Variants in FAF1 observed in about 807,000 individuals in gnomAD.
FAF1 encodes Fas associated factor 1.
FAF1 carries 25 observed loss-of-function variants against 92.5 expected under a neutral mutation model. The ratio of observed to expected loss-of-function variants is 0.27; its 90% CI spans 0.20 to 0.38. The LOEUF (loss-of-function observed/expected upper bound fraction) is 0.38. Among genes scored for constraint, FAF1 ranks in the 10% least tolerant of loss-of-function variants. The pLI, the probability that FAF1 is intolerant of heterozygous loss-of-function variation, is 1.00. For synonymous variants in FAF1, 234 were observed against 273.2 expected, an observed-to-expected ratio of 0.86 and a Z score of 1.42; for missense variants, 636 against 793.3, an observed-to-expected ratio of 0.80 and a Z score of 2.38.
At chr1:50,599,593 ATTTAT>A in intron 8 of FAF1, among the ~76,000 whole-genome samples, 1 of 147,366 alleles carries the variant, frequency 6.8e-6, no homozygotes, top group East Asian at 1.9e-4. Context: ...AAGTAATTTA[ATTTAT>A]TTATTAAGTA....
At chr1:50,741,848 A>G (rs942188338) in intron 5 of FAF1, among the ~76,000 whole-genome samples, 2 of 152,264 alleles carry the variant, frequency 1.3e-5, no homozygotes, top group African/African-American at 4.8e-5. Flanking sequence ...GTTCCATTTT[A>G]AACACGTTAA....
intron 1 of FAF1, among the ~76,000 whole-genome samples, chr1:50,909,160 C>G (rs1025238902): frequency 3.3e-5 from 5 of 152,154 alleles, no homozygotes; most frequent in Non-Finnish European, 5.9e-5. Flanking sequence ...ATATGAAATT[C>G]TGGGTTGAAA....
At chr1:50,641,442 A>AAT (rs1279868142) in intron 8 of FAF1, among the ~76,000 whole-genome samples, 112 of 152,302 alleles carry the variant, frequency 7.4e-4, no homozygotes, top group African/African-American at 2.6e-3. Context: ...TCTTTGACTC[A>AAT]TGAATTTAAA....
intron 4 of FAF1, among the ~76,000 whole-genome samples, chr1:50,774,261 CT>C (rs1660875358): frequency 1.3e-5 from 2 of 152,116 alleles, no homozygotes; most frequent in Admixed American, 1.3e-4. Context: ...TCACTCTTTC[CT>C]TCTTTTCACA....
At position 50,440,682 on chromosome 1, in the gene FAF1, A is replaced by G. The variant is rs1027176427; in HGVS notation, c.*758T>C. The G allele has an allele frequency of 2.6e-5, 4 of 152,256 alleles. No homozygotes were observed. Among genetic ancestry groups the G allele is most frequent in the African/African-American group, 9.6e-5 (4 of 41,464 alleles). The allele number at this position is 152,256 out of a possible 1,614,324, so 9.4% of individuals were successfully genotyped here. A position where few individuals can be genotyped will look rare whatever the true frequency, so the allele number is the denominator to read the frequency against. Reference sequence around the variant, plus strand: ...ACTGCCCAAATGCAAACCTAACAGTAGCCTCTTGCCATTGGGCCAGATACT... The same window carrying G: ...ACTGCCCAAATGCAAACCTAACAGTGGCCTCTTGCCATTGGGCCAGATACT... On this transcript the variant is annotated 3_prime_UTR_variant, in exon 19 of 19. Transcript: ENST00000396153.
At chr1:50,868,186 G>A (rs1273995672) in intron 1 of FAF1, among the ~76,000 whole-genome samples, 1 of 152,054 alleles carries the variant, frequency 6.6e-6, no homozygotes, top group Non-Finnish European at 1.5e-5. Flanking sequence ...GGGAAGGGTG[G>A]GAGTCAGGTG....
At chr1:50,568,845 A>T (rs1241357071) in intron 12 of FAF1, among the ~76,000 whole-genome samples, 1 of 152,188 alleles carries the variant, frequency 6.6e-6, no homozygotes, top group Non-Finnish European at 1.5e-5. Flanking sequence ...AAGATGCCAG[A>T]CTGCTTTGGG....
rs192114232 is a variant in FAF1, at chr1:50,672,832, T to C, written c.658-17304A>G. 5.3e-5 allele frequency among the ~76,000 whole-genome samples: 8 copies of C among 152,272 alleles called. No individual in the cohort carries two copies. The East Asian group carries it at 5.8e-4, about 11-fold the overall frequency. ...TTTTAATAATGTTATTTTAAAGTAG[T>C]CTGAGGCAGGGTGCAGTGGTTCATG... On this transcript the variant is annotated intron_variant, in intron 7 of 18. Transcript: ENST00000396153.
chr1:50,466,603 G>A (rs1646499265), intron 18 of FAF1, among the ~76,000 whole-genome samples: 1 of 152,230 alleles, frequency 6.6e-6, no homozygotes, highest in Non-Finnish European at 1.5e-5. Context: ...CACCTGCTAT[G>A]TGCCAGGTAA....
chr1:50,847,912 T>C (rs2124653525), intron 2 of FAF1, among the ~76,000 whole-genome samples: 1 of 151,926 alleles, frequency 6.6e-6, no homozygotes, highest in Admixed American at 6.6e-5. Flanking sequence ...CACACCCCTC[T>C]AGGCATATCA....
intron 7 of FAF1, among the ~76,000 whole-genome samples, chr1:50,678,249 T>C (rs889360737): frequency 1.3e-5 from 2 of 152,196 alleles, no homozygotes; most frequent in African/African-American, 4.8e-5. Context: ...GAGAAATTCC[T>C]ATGCAGTTTT....
chr1:50,833,598 C>A (rs80337531), intron 2 of FAF1, among the ~76,000 whole-genome samples: 4,657 of 152,164 alleles, frequency 0.031, 248 homozygotes, highest in African/African-American at 0.11. Flanking sequence ...CCTGTCCTCT[C>A]CCCAGAGGTT....
intron 1 of FAF1, among the ~76,000 whole-genome samples, chr1:50,879,378 A>G (rs1644594167): frequency 6.6e-6 from 1 of 152,246 alleles, no homozygotes; most frequent in South Asian, 2.1e-4. Flanking sequence ...GAGGGTGAAT[A>G]CAAAGATGAC....
At chr1:50,565,875 A>G (rs574262040) in intron 13 of FAF1, among the ~76,000 whole-genome samples, 61 of 152,224 alleles carry the variant, frequency 4.0e-4, no homozygotes, top group African/African-American at 1.1e-3. Context: ...GTGAATGGCA[A>G]AAGATTTAGC....
intron 4 of FAF1, among the ~76,000 whole-genome samples, chr1:50,779,991 G>GACAGACACAC (rs369288416): frequency 6.9e-5 from 10 of 145,532 alleles, no homozygotes; most frequent in South Asian, 2.2e-4. Flanking sequence ...CAGACAGACA[G>GACAGACACAC]ACACACACAC....
Position 50,958,906 on chromosome 1 carries a change from C to G in FAF1, c.45+861G>C, listed in dbSNP as rs76338813. ...AAATATCTCACTAAAATAATTCCTTCACCAAACATCAAAAGGCAAAGGTAG... is the reference window on the plus strand; with the variant it reads ...AAATATCTCACTAAAATAATTCCTTGACCAAACATCAAAAGGCAAAGGTAG... On this transcript the variant is annotated intron_variant, in intron 1 of 18. Coordinates refer to ENST00000396153, the MANE Select transcript of FAF1 (RefSeq NM_007051.3). 9.7e-4 allele frequency among the ~76,000 whole-genome samples: 147 copies of G among 152,300 alleles called. 1 individual carries two copies. The highest frequency in any genetic ancestry group is 3.3e-3 in the African/African-American group (139 of 41,566).
chr1:50,935,373 A>G (rs143924020), intron 1 of FAF1, among the ~76,000 whole-genome samples: 11 of 152,304 alleles, frequency 7.2e-5, no homozygotes, highest in Non-Finnish European at 1.6e-4. Context: ...TGTCAAGAAT[A>G]TAACATATAT....
At chr1:50,466,007 G>C (rs1442970921) in intron 18 of FAF1, among the ~76,000 whole-genome samples, 1 of 151,960 alleles carries the variant, frequency 6.6e-6, no homozygotes, top group African/African-American at 2.4e-5. Context: ...GCTATTACAG[G>C]GTTCGAAAAG....
intron 1 of FAF1, among the ~76,000 whole-genome samples, chr1:50,958,538 C>T (rs1055631236): frequency 6.6e-6 from 1 of 151,934 alleles, no homozygotes; most frequent in Non-Finnish European, 1.5e-5. Flanking sequence ...ATTAGCCAGG[C>T]GTGGTGGCCG....
Sources: gnomAD v4.1 joint callset for allele counts (sites outside exome capture counted in the v4.1 genomes callset) on GRCh38, gnomAD v4.1.1 for gene constraint, MANE v1.5 for transcripts, NCBI Gene and HGNC (gene_info 2026-07-23, HGNC 2026-07-21) for gene names.